ADAMTS9: variants seen among roughly 807,000 people sequenced by gnomAD.
The protein encoded by ADAMTS9 is ADAM metallopeptidase with thrombospondin type 1 motif 9, also known as A disintegrin and metalloproteinase with thrombospondin motifs 9.
In ADAMTS9, 107 loss-of-function variants were observed where a neutral mutation model predicts 257.1. The observed-to-expected ratio is 0.42, with a 90% CI of 0.36 to 0.49. The LOEUF (loss-of-function observed/expected upper bound fraction) is 0.49. Ranked by LOEUF, ADAMTS9 falls within the 20% of genes least tolerant of loss-of-function variation. The pLI is 0.03. For synonymous variants in ADAMTS9, 982 were observed against 880.9 expected (o/e 1.11, Z -2.03); for missense variants, 2,353 against 2,469.1 (o/e 0.95, Z 1.00).
chr3:64,625,629 C>A lies in ADAMTS9; in HGVS notation c.2390-3043G>T, dbSNP rs759619127. ...GTTCCTAATCCAGCACTTCATTTACCAGAATTCTCACCCACATAAACAACA... is the reference window on the plus strand; with the variant it reads ...GTTCCTAATCCAGCACTTCATTTACAAGAATTCTCACCCACATAAACAACA... On this transcript the variant is annotated intron_variant, in intron 16 of 39. Transcript: ENST00000498707. Among the ~76,000 whole-genome samples the A allele has an allele frequency of 3.9e-4, 60 of 152,108 alleles. 1 individual carries two copies. Among genetic ancestry groups the A allele is most frequent in the Non-Finnish European group, 3.1e-4 (21 of 68,016 alleles).
intron 38 of ADAMTS9, among the ~76,000 whole-genome samples, chr3:64,526,548 A>G (rs2082912707): frequency 6.6e-6 from 1 of 152,314 alleles, no homozygotes; most frequent in East Asian, 1.9e-4. Flanking sequence ...ACTGGTCTTC[A>G]GTGAAGAACT....
rs183463375 is a variant in ADAMTS9, at chr3:64,662,862, C to T, written c.680-4071G>A. 9.9e-5 allele frequency among the ~76,000 whole-genome samples: 15 copies of T among 152,198 alleles called. No individual in the cohort carries two copies. In the East Asian group the frequency reaches 2.5e-3, roughly 25 times the overall value. On this transcript the variant is annotated intron_variant, in intron 3 of 39. Coordinates refer to ENST00000498707, the MANE Select transcript of ADAMTS9 (RefSeq NM_182920.2). ...CTTTTTAAATGCTGACATGACACCA[C>T]CAAGTGGAAAATTCCACACATAAGT... is the stretch of plus-strand genomic sequence containing the variant.
At chr3:64,581,324 G>A (rs1017005432) in intron 28 of ADAMTS9, among the ~76,000 whole-genome samples, 2 of 152,202 alleles carry the variant, frequency 1.3e-5, no homozygotes, top group East Asian at 1.9e-4. Context: ...GTGGTGGTGT[G>A]TCTTTGTTTA....
At chr3:64,631,119 A>G (rs1700358699) in intron 16 of ADAMTS9, among the ~76,000 whole-genome samples, 1 of 152,234 alleles carries the variant, frequency 6.6e-6, no homozygotes, top group Non-Finnish European at 1.5e-5. Flanking sequence ...AGTTCCCCAC[A>G]GGACAGCTTT....
chr3:64,579,890 A>C (rs1559774987), intron 28 of ADAMTS9, among the ~76,000 whole-genome samples: 1 of 152,224 alleles, frequency 6.6e-6, no homozygotes, highest in Non-Finnish European at 1.5e-5. Context: ...CACAGGCGAC[A>C]TCTAAAGGGA....
chr3:64,652,492 C>G (rs9833874), intron 8 of ADAMTS9, among the ~76,000 whole-genome samples: 4,743 of 152,244 alleles, frequency 0.031, 240 homozygotes, highest in African/African-American at 0.11. Flanking sequence ...GCAAGGCATT[C>G]AAATCTTAGT....
rs1355950910 is a variant in ADAMTS9, at chr3:64,615,364, C to A, written c.3146G>T (p.Ser1049Ile). 2 of 1,614,068 alleles carry A rather than the reference C, an allele frequency of 1.2e-6. No individual in the cohort carries two copies. The highest frequency in any genetic ancestry group is 1.1e-5 in the South Asian group (1 of 91,084). The change falls in exon 21 of 40, where the codon AGT becomes ATT. Residue 1049 changes from serine to isoleucine, a missense_variant. By Grantham distance (142) the Ser-to-Ile change is moderately radical (BLOSUM62 -2). Around this residue, in one of 3 missense-constraint regions of ADAMTS9, gnomAD observed 1,402 missense variants for 1,441.4 expected, o/e 0.97. Transcript: ENST00000498707. ...TTTCCACTGTGGACAAGGGAACTCA[C>A]TGCACCTCTGAATGGTAACTTTCTC... ...HQEKVTIQRC[S>I]EFPCPQWKSG... is the part of the protein sequence containing the mutation.
chr3:64,627,025 G>T (rs185196572), intron 16 of ADAMTS9, among the ~76,000 whole-genome samples: 3 of 152,298 alleles, frequency 2.0e-5, no homozygotes, highest in Admixed American at 1.3e-4. Context: ...AGTATGATGT[G>T]CTGTCAACAA....
intron 26 of ADAMTS9, among the ~76,000 whole-genome samples, chr3:64,599,145 G>C (rs890832841): frequency 6.6e-6 from 1 of 151,976 alleles, no homozygotes; most frequent in African/African-American, 2.4e-5. Context: ...GCACATTCTT[G>C]AGCTATCTGA....
rs770891971 is a variant in ADAMTS9 at position 64,654,439 on chromosome 3, G to A, written c.1230C>T (p.Thr410=). 1.9e-6 allele frequency: 3 copies of A among 1,613,972 alleles called. No individual in the cohort carries two copies. Among genetic ancestry groups the A allele is most frequent in the Non-Finnish European group, 2.5e-6 (3 of 1,179,988 alleles). ...AACAGCTTCTATAGGGATCACAAAT[G>A]GTTCCCAGTTCAGCCAGGCCTATTA... ...CDTLGLAELG[T]ICDPYRSCSI... The change falls in exon 8 of 40, where the codon ACC becomes ACT. Residue 410 remains threonine, a synonymous_variant. Transcript: ENST00000498707.
chr3:64,570,679 G>A (rs1316577736), intron 28 of ADAMTS9, among the ~76,000 whole-genome samples: 1 of 98,132 alleles, frequency 1.0e-5, no homozygotes, highest in Non-Finnish European at 1.8e-5. Flanking sequence ...CTGGGCGAAA[G>A]AGCAAGACTC....
At chr3:64,621,481 G>C (rs1032086629) in intron 18 of ADAMTS9, among the ~76,000 whole-genome samples, 7 of 152,122 alleles carry the variant, frequency 4.6e-5, no homozygotes, top group Admixed American at 1.3e-4. Flanking sequence ...AAGTAGGTAG[G>C]CCGGGCACAG....
At position 64,633,763 on chromosome 3, in the gene ADAMTS9, T is replaced by C. The variant is rs1263821059; in HGVS notation, c.1973A>G (p.Asp658Gly). The change falls in exon 13 of 40, where the codon GAC becomes GGC. Residue 658 changes from aspartate (D) to glycine (G), a missense_variant. Around this residue, in one of 3 missense-constraint regions of ADAMTS9, gnomAD observed 360 missense variants for 458.1 expected, o/e 0.79. Transcript: ENST00000498707. Reference sequence around the variant, plus strand: ...ACCGTTGATGTTAAAATGCTTCCCGTCAAAGTGAGCACACTGTTCATCTCG... The same window carrying C: ...ACCGTTGATGTTAAAATGCTTCCCGCCAAAGTGAGCACACTGTTCATCTCG... ...DFRDEQCAHF[D>G]GKHFNINGLL... 1 of 1,613,538 alleles carries C rather than the reference T, an allele frequency of 6.2e-7. No individual in the cohort carries two copies. Among genetic ancestry groups the C allele is most frequent in the East Asian group, 2.2e-5 (1 of 44,794 alleles).
At position 64,641,908 on chromosome 3, in the gene ADAMTS9, G is replaced by T. The variant is rs751207553; in HGVS notation, c.1796C>A (p.Thr599Asn). 1 of 1,614,092 alleles carries T rather than the reference G, an allele frequency of 6.2e-7. No individual in the cohort carries two copies. Among genetic ancestry groups the T allele is most frequent in the Non-Finnish European group, 8.5e-7 (1 of 1,180,020 alleles). ...GSWGSWSPFG[T>N]CSRTCGGGIK... ...GCCCCCTCCACATGTTCTGGAGCAG[G>T]TTCCAAAGGGACTCCAACTTCCCCA... The change falls in exon 12 of 40, where the codon ACC becomes AAC. Residue 599 changes from threonine (T) to asparagine (N), a missense_variant. This residue lies in a region of ADAMTS9 where 360 missense variants were observed against 458.1 expected (regional missense o/e 0.79). Transcript: ENST00000498707.
At chr3:64,662,795 T>C (rs1701256879) in intron 3 of ADAMTS9, among the ~76,000 whole-genome samples, 1 of 152,098 alleles carries the variant, frequency 6.6e-6, no homozygotes, top group South Asian at 2.1e-4. Context: ...TGGGTATCCC[T>C]TATCTGAAAA....
chr3:64,596,916 C>A lies in ADAMTS9; in HGVS notation c.4093G>T (p.Asp1365Tyr), dbSNP rs146893754. Residue 1365 changes from aspartate to tyrosine, a missense_variant, in exon 27 of 40, where the codon GAC becomes TAC. Physicochemically the swap from Asp to Tyr is radical, Grantham distance 160 (BLOSUM62 -3). This residue lies in a region of ADAMTS9 where 1,402 missense variants were observed against 1,441.4 expected (regional missense o/e 0.97). Coordinates refer to ENST00000498707, the MANE Select transcript of ADAMTS9 (RefSeq NM_182920.2). ...CQDENGYTAN[D>Y]CVERIKPDEQ... is the part of the protein sequence containing the mutation. ...TCAGGTTTTATTCTCTCCACACAGTCGTTTGCGGTGTATCCATTTTCATCC... is the reference window on the plus strand; with the variant it reads ...TCAGGTTTTATTCTCTCCACACAGTAGTTTGCGGTGTATCCATTTTCATCC... 1.2e-6 allele frequency: 2 copies of A among 1,613,966 alleles called. No individual in the cohort carries two copies. Among genetic ancestry groups the A allele is most frequent in the South Asian group, 1.1e-5 (1 of 91,052 alleles).
chr3:64,676,395 A>G (rs1192430315), intron 3 of ADAMTS9, among the ~76,000 whole-genome samples: 2 of 152,176 alleles, frequency 1.3e-5, no homozygotes, highest in Non-Finnish European at 2.9e-5. Flanking sequence ...AAAATAGAAG[A>G]ATATAAAAGT....
chr3:64,614,629 G>T (rs2084726553), intron 21 of ADAMTS9, among the ~76,000 whole-genome samples: 3 of 152,038 alleles, frequency 2.0e-5, no homozygotes, highest in African/African-American at 7.2e-5. Flanking sequence ...TCCCTGCTTG[G>T]TAAGAATCTC....
intron 26 of ADAMTS9, among the ~76,000 whole-genome samples, chr3:64,599,180 T>C (rs1011839380): frequency 5.9e-5 from 9 of 152,310 alleles, no homozygotes; most frequent in Middle Eastern, 3.4e-3. Context: ...TGGGTCTTTA[T>C]ACTCCCACAG....
Sources: allele counts gnomAD v4.1 joint callset (sites outside exome capture counted in the v4.1 genomes callset), GRCh38; gene constraint gnomAD v4.1.1; regional missense constraint gnomAD v4.1.1; transcripts MANE v1.5; gene names NCBI Gene and HGNC (gene_info 2026-07-23, HGNC 2026-07-21).